The following DOK6 variants were observed in gnomAD, a reference collection of about 807,000 sequenced individuals.
The protein encoded by DOK6 is downstream of tyrosine kinase 6.
Under a neutral mutation model 44.0 loss-of-function variants are expected in DOK6, and 22 were observed. The observed-to-expected ratio is 0.50, with a 90% CI of 0.36 to 0.71. The LOEUF (loss-of-function observed/expected upper bound fraction) is 0.71. Among genes scored for constraint, DOK6 ranks in the 30% least tolerant of loss-of-function variants. The pLI, the probability that DOK6 is intolerant of heterozygous loss-of-function variation, is 0.00. For missense variants in DOK6, 340 were observed against 416.4 expected, an observed-to-expected ratio of 0.82 and a Z score of 1.60; for synonymous variants, 166 against 145.5, an observed-to-expected ratio of 1.14 and a Z score of -1.01.
intron 5 of DOK6, among the ~76,000 whole-genome samples, chr18:69,732,004 T>G (rs1438542456): frequency 2.0e-5 from 3 of 152,202 alleles, no homozygotes; most frequent in Non-Finnish European, 4.4e-5. Flanking sequence ...TTCTCTGTAT[T>G]TAACTGTTTT....
At chr18:69,572,105 A>T (rs1238340763) in intron 2 of DOK6, among the ~76,000 whole-genome samples, 1 of 152,162 alleles carries the variant, frequency 6.6e-6, no homozygotes, top group African/African-American at 2.4e-5. Flanking sequence ...AGCATATGCC[A>T]AGGAGCAATA....
intron 7 of DOK6, among the ~76,000 whole-genome samples, chr18:69,801,119 GTTTTGTTTTGTTTTGT>G (rs1339163601): frequency 6.6e-6 from 1 of 150,384 alleles, no homozygotes; most frequent in Non-Finnish European, 1.5e-5. Context: ...GTTTTGTTTT[GTTTTGTTTTGTTTTGT>G]TTTAGTGACT....
chr18:69,807,153 A>C lies in DOK6; in HGVS notation c.857-34091A>C, dbSNP rs182237900. Among the ~76,000 whole-genome samples, 121 of 151,308 alleles carry C rather than the reference A, an allele frequency of 8.0e-4. 2 individuals are homozygous for C. Among genetic ancestry groups the C allele is most frequent in the Middle Eastern group, 3.4e-3 (1 of 294 alleles). ...CAGCATCACCTGGGACCTTGTTAGA[A>C]CTGCAAGTCCTCAGTGTGGAGGTTT... On this transcript the variant is annotated intron_variant, in intron 7 of 7. Transcript: ENST00000382713.
rs1285673063 is a variant in DOK6, at chr18:69,589,100, A to T, written c.175-10284A>T. 2.0e-5 allele frequency among the ~76,000 whole-genome samples: 3 copies of T among 152,272 alleles called. No homozygotes were observed. The East Asian group carries it at 5.8e-4, about 29-fold the overall frequency. ...AATTTAGTTGGAAAAAAGCAATAGT[A>T]AAATTTCTATGCAAATTTCATGATC... is the stretch of plus-strand genomic sequence containing the variant. On this transcript the variant is annotated intron_variant, in intron 2 of 7. Transcript: ENST00000382713.
chr18:69,661,809 T>C (rs1358919385), intron 3 of DOK6: 1 of 152,198 alleles, frequency 6.6e-6, no homozygotes, highest in Non-Finnish European at 1.5e-5. Context: ...TTACATAATA[T>C]ATGTAATGTG....
At chr18:69,713,809 C>A (rs1986823035) in intron 5 of DOK6, among the ~76,000 whole-genome samples, 1 of 152,100 alleles carries the variant, frequency 6.6e-6, no homozygotes, top group South Asian at 2.1e-4. Context: ...CGTGAAACTC[C>A]CAGGATGGTA....
intron 3 of DOK6, among the ~76,000 whole-genome samples, chr18:69,649,070 T>C (rs1226181300): frequency 6.6e-6 from 1 of 152,180 alleles, no homozygotes; most frequent in African/African-American, 2.4e-5. Flanking sequence ...TTGACTTCTC[T>C]TACCATCCAC....
chr18:69,633,383 T>C (rs978667582), intron 3 of DOK6, among the ~76,000 whole-genome samples: 12 of 152,206 alleles, frequency 7.9e-5, no homozygotes, highest in Admixed American at 5.9e-4. Flanking sequence ...AAAACGCCTA[T>C]GCAAAGTCTA....
At position 69,694,102 on chromosome 18, in the gene DOK6, A is replaced by C. The variant is rs374351864; in HGVS notation, c.410-4302A>C. Among the ~76,000 whole-genome samples, 179 of 148,276 alleles carry C rather than the reference A, an allele frequency of 1.2e-3. No individual in the cohort carries two copies. The South Asian group carries it at 0.016, about 14-fold the overall frequency. The stretch of plus-strand genomic sequence containing the variant: ...AAAAAAAAAAAAAATTGATCTATTT[A>C]AAAACTCACTGGCTGACAGGGAAGA... On this transcript the variant is annotated intron_variant, in intron 4 of 7. Coordinates refer to ENST00000382713, the MANE Select transcript of DOK6 (RefSeq NM_152721.6).
intron 1 of DOK6, among the ~76,000 whole-genome samples, chr18:69,461,421 C>A (rs937376013): frequency 2.2e-4 from 33 of 152,158 alleles, no homozygotes; most frequent in Admixed American, 7.9e-4. Flanking sequence ...GGCAGGGGCT[C>A]CTCAGTTCCT....
At chr18:69,623,222 C>T (rs2144640017) in intron 3 of DOK6, among the ~76,000 whole-genome samples, 1 of 152,226 alleles carries the variant, frequency 6.6e-6, no homozygotes, top group Non-Finnish European at 1.5e-5. Context: ...CATGAGGCCT[C>T]CCCAGAAGCA....
intron 1 of DOK6, among the ~76,000 whole-genome samples, chr18:69,513,805 T>C (rs1375507964): frequency 6.6e-6 from 1 of 152,288 alleles, no homozygotes; most frequent in African/African-American, 2.4e-5. Context: ...TTCTTGGTGT[T>C]ATAAAACTGC....
intron 7 of DOK6, among the ~76,000 whole-genome samples, chr18:69,817,213 G>T (rs1372036532): frequency 1.3e-5 from 2 of 151,896 alleles, no homozygotes; most frequent in Non-Finnish European, 2.9e-5. Flanking sequence ...TTTACGTCTT[G>T]AACTGACTCT....
At position 69,526,774 on chromosome 18, in the gene DOK6, T is replaced by C. The variant is rs373993504; in HGVS notation, c.67-37713T>C. On this transcript the variant is annotated intron_variant, in intron 1 of 7. Transcript: ENST00000382713. Reference sequence around the variant, plus strand: ...GCATATGGTTGTATTCTGTAGAATGTTCCATGTGAACTTGAGAAGAACAAT... The same window carrying C: ...GCATATGGTTGTATTCTGTAGAATGCTCCATGTGAACTTGAGAAGAACAAT... Among the ~76,000 whole-genome samples, 8 of 152,308 alleles carry C rather than the reference T, an allele frequency of 5.3e-5. No individual in the cohort carries two copies. In the East Asian group the frequency reaches 1.3e-3, roughly 26 times the overall value.
Position 69,653,713 on chromosome 18 carries a change from T to C in DOK6, c.290-24021T>C, listed in dbSNP as rs1599243890. 7.9e-5 allele frequency among the ~76,000 whole-genome samples: 12 copies of C among 152,272 alleles called. No individual in the cohort carries two copies. The South Asian group carries it at 2.5e-3, about 32-fold the overall frequency. The stretch of plus-strand genomic sequence containing the variant: ...TCCCAGACTGCATAAAATTGATATA[T>C]CTCTAACCACATGCAGTGAAGTGAA... On this transcript the variant is annotated intron_variant, in intron 3 of 7. Transcript: ENST00000382713.
chr18:69,722,256 A>G (rs1336434877), intron 5 of DOK6, among the ~76,000 whole-genome samples: 1 of 152,206 alleles, frequency 6.6e-6, no homozygotes, highest in Non-Finnish European at 1.5e-5. Context: ...CATATTTATA[A>G]GAGAGGGTAT....
intron 4 of DOK6, among the ~76,000 whole-genome samples, chr18:69,680,525 TA>T (rs776215431): frequency 2.0e-5 from 3 of 152,170 alleles, no homozygotes; most frequent in Non-Finnish European, 4.4e-5. Flanking sequence ...AGGAGAATAA[TA>T]AAAGGAATAA....
chr18:69,636,003 T>C (rs578100571), intron 3 of DOK6, among the ~76,000 whole-genome samples: 15 of 152,188 alleles, frequency 9.9e-5, no homozygotes, highest in Non-Finnish European at 2.1e-4. Flanking sequence ...ACAGTAGAGA[T>C]AGTGCTGCTG....
At chr18:69,497,432 TC>T (rs1028951432) in intron 1 of DOK6, among the ~76,000 whole-genome samples, 2 of 152,120 alleles carry the variant, frequency 1.3e-5, no homozygotes, top group African/African-American at 4.8e-5. Context: ...ACAAGCAGGA[TC>T]CTTGAAAAGG....
Sources: gnomAD v4.1 joint callset for allele counts (sites outside exome capture counted in the v4.1 genomes callset) on GRCh38, gnomAD v4.1.1 for gene constraint, MANE v1.5 for transcripts, NCBI Gene and HGNC (gene_info 2026-07-23, HGNC 2026-07-21) for gene names.